The following GATAD2A variants were observed in gnomAD, a reference collection of about 807,000 sequenced individuals.
GATAD2A encodes transcriptional repressor p66-alpha.
In GATAD2A, 12 loss-of-function variants were observed where a neutral mutation model predicts 68.5. The ratio of observed to expected loss-of-function variants is 0.18; its 90% CI spans 0.11 to 0.28. GATAD2A has a LOEUF of 0.28. Among genes scored for constraint, GATAD2A ranks in the 10% least tolerant of loss-of-function variants. GATAD2A has a pLI of 1.00. For missense variants in GATAD2A, 755 were observed against 868.5 expected (o/e 0.87, Z 1.64); for synonymous variants, 410 against 375.3 (o/e 1.09, Z -1.07).
At chr19:19,470,720 A>G (rs540951789) in intron 2 of GATAD2A, among the ~76,000 whole-genome samples, 1 of 152,228 alleles carries the variant, frequency 6.6e-6, no homozygotes, top group East Asian at 1.9e-4. Flanking sequence ...ACATTGGACC[A>G]TAAAACAAGG....
intron 11 of GATAD2A, among the ~76,000 whole-genome samples, chr19:19,504,864 A>C (rs1014086043): frequency 6.6e-6 from 1 of 151,770 alleles, no homozygotes; most frequent in African/African-American, 2.4e-5. Flanking sequence ...GCTGGTCTCT[A>C]TCTCCTGGCC....
At chr19:19,493,408 C>T (rs1306373230) in intron 4 of GATAD2A, among the ~76,000 whole-genome samples, 3 of 152,240 alleles carry the variant, frequency 2.0e-5, no homozygotes, top group African/African-American at 7.2e-5. Flanking sequence ...GTCTCAGTCC[C>T]CTCCCAGCTG....
chr19:19,502,970 G>T (rs1211235260), intron 11 of GATAD2A, among the ~76,000 whole-genome samples: 1 of 152,234 alleles, frequency 6.6e-6, no homozygotes, highest in Non-Finnish European at 1.5e-5. Flanking sequence ...CGGGGCAGGG[G>T]GTGTGCCCAG....
rs535786533 is a variant in GATAD2A, at chr19:19,490,027, G to A, written c.270-2279G>A. ...CGGCAGCAAGGAGAGACATGCTGGC[G>A]GTTTGCTAAGACCTGAGTGAGGTGT... On this transcript the variant is annotated intron_variant, in intron 2 of 11. Transcript: ENST00000683918. Among the ~76,000 whole-genome samples the A allele has an allele frequency of 7.4e-4, 112 of 152,282 alleles. 1 individual carries two copies. Among genetic ancestry groups the A allele is most frequent in the Admixed American group, 5.8e-3 (89 of 15,296 alleles).
At position 19,498,699 on chromosome 19, in the gene GATAD2A, T is replaced by C. The variant is rs1401774594; in HGVS notation, c.1181T>C (p.Val394Ala). ...TACCTGGTCGGCCTGGAGGAGGTGG[T>C]GCAGAACCTACTGGAGACACAAGGT... ...FIYLVGLEEV[V>A]QNLLETQAGR... is the part of the protein sequence containing the mutation. Residue 394 changes from valine (V) to alanine (A), a missense_variant, in exon 8 of 12, where the codon GTG becomes GCG. Coordinates refer to ENST00000683918, the MANE Select transcript of GATAD2A (RefSeq NM_001384528.1). 6.2e-7 allele frequency: 1 copy of C among 1,612,250 alleles called. No individual in the cohort carries two copies. The highest frequency in any genetic ancestry group is 1.3e-5 in the African/African-American group (1 of 74,914).
chr19:19,420,770 G>C (rs566368420), intron 1 of GATAD2A, among the ~76,000 whole-genome samples: 1 of 151,976 alleles, frequency 6.6e-6, no homozygotes, highest in Non-Finnish European at 1.5e-5. Flanking sequence ...ACAGTCCCTC[G>C]TGTGAGTGTG....
chr19:19,415,116 A>G, intron 1 of GATAD2A, among the ~76,000 whole-genome samples: 1 of 124,742 alleles, frequency 8.0e-6, no homozygotes, highest in Non-Finnish European at 1.7e-5. Context: ...ACCCCAAAAA[A>G]CTGTAGTAGT....
chr19:19,420,158 G>C (rs1172909728), intron 1 of GATAD2A, among the ~76,000 whole-genome samples: 1 of 142,490 alleles, frequency 7.0e-6, no homozygotes, highest in Non-Finnish European at 1.5e-5. Context: ...TTATAGGCAC[G>C]CACCACTATA....
intron 2 of GATAD2A, among the ~76,000 whole-genome samples, chr19:19,486,139 G>C (rs2059411921): frequency 6.6e-6 from 1 of 152,218 alleles, no homozygotes; most frequent in Non-Finnish European, 1.5e-5. Flanking sequence ...TGGGGGGTTT[G>C]TGAATGTTCA....
At chr19:19,501,704 A>G (rs2060536630) in intron 9 of GATAD2A, among the ~76,000 whole-genome samples, 1 of 152,200 alleles carries the variant, frequency 6.6e-6, no homozygotes, top group Non-Finnish European at 1.5e-5. Context: ...TTTGGAGAGG[A>G]ACAAGTTTGA....
At chr19:19,396,085 C>G (rs2049220987) in intron 1 of GATAD2A, among the ~76,000 whole-genome samples, 1 of 152,152 alleles carries the variant, frequency 6.6e-6, no homozygotes, top group East Asian at 1.9e-4. Context: ...CTTTGGGAGG[C>G]TGAGGCGGGT....
At chr19:19,439,203 G>A (rs978705598) in intron 1 of GATAD2A, among the ~76,000 whole-genome samples, 1 of 152,238 alleles carries the variant, frequency 6.6e-6, no homozygotes, top group Non-Finnish European at 1.5e-5. Flanking sequence ...CACAGGGGCA[G>A]TCTTGCCTGT....
chr19:19,474,591 C>A (rs1414575802), intron 2 of GATAD2A, among the ~76,000 whole-genome samples: 1 of 152,174 alleles, frequency 6.6e-6, no homozygotes, highest in Non-Finnish European at 1.5e-5. Flanking sequence ...TCTCACTTGT[C>A]AGTAGACATG....
chr19:19,468,076 A>G (rs796119329), intron 2 of GATAD2A, among the ~76,000 whole-genome samples: 12 of 152,374 alleles, frequency 7.9e-5, no homozygotes, highest in African/African-American at 2.9e-4. Flanking sequence ...AGCATTCTGG[A>G]AAAATTGAGC....
At chr19:19,479,349 G>C (rs1786193076) in intron 2 of GATAD2A, among the ~76,000 whole-genome samples, 1 of 152,220 alleles carries the variant, frequency 6.6e-6, no homozygotes, top group Admixed American at 6.5e-5. Flanking sequence ...ATTGTTAACA[G>C]ACTACAGAAC....
intron 11 of GATAD2A, among the ~76,000 whole-genome samples, chr19:19,503,503 G>A (rs576704339): frequency 1.2e-4 from 19 of 152,366 alleles, no homozygotes; most frequent in Non-Finnish European, 2.1e-4. Context: ...CCAGCCAGAC[G>A]TTCTGCTCAG....
chr19:19,421,010 CTCTAGCAGTTTGAA>C (rs2052354663), intron 1 of GATAD2A, among the ~76,000 whole-genome samples: 1 of 152,212 alleles, frequency 6.6e-6, no homozygotes, highest in South Asian at 2.1e-4. Flanking sequence ...GTGCGCTTTT[CTCTAGCAGTTTGAA>C]TCCAGGTGCC....
chr19:19,480,039 T>G (rs1411646693), intron 2 of GATAD2A, among the ~76,000 whole-genome samples: 1 of 151,892 alleles, frequency 6.6e-6, no homozygotes, highest in East Asian at 1.9e-4. Flanking sequence ...ACTTCTGGCC[T>G]CCTGTGATCC....
At chr19:19,410,068 G>T (rs952244699) in intron 1 of GATAD2A, among the ~76,000 whole-genome samples, 3 of 152,198 alleles carry the variant, frequency 2.0e-5, no homozygotes, top group Non-Finnish European at 4.4e-5. Flanking sequence ...AGTTTGCACA[G>T]TTGCCAGGGC....
Sources: allele counts gnomAD v4.1 joint callset (sites outside exome capture counted in the v4.1 genomes callset), GRCh38; gene constraint gnomAD v4.1.1; transcripts MANE v1.5; gene names NCBI Gene and HGNC (gene_info 2026-07-23, HGNC 2026-07-21).